JMJD1C: variants seen among roughly 807,000 people sequenced by gnomAD.
JMJD1C encodes the protein jumonji domain containing 1C.
A neutral mutation model predicts 245.3 loss-of-function variants in JMJD1C; 31 were observed. The ratio of observed to expected loss-of-function variants is 0.13; its 90% CI spans 0.09 to 0.17. JMJD1C has a LOEUF of 0.17. JMJD1C is among the 10% of genes least tolerant of loss of function. JMJD1C has a pLI of 1.00. For synonymous variants in JMJD1C, 1,057 were observed against 1,017.4 expected, an observed-to-expected ratio of 1.04 and a Z score of -0.74; for missense variants, 2,691 against 3,000.2, an observed-to-expected ratio of 0.90 and a Z score of 2.41.
chr10:63,335,020 T>C (rs1054468345), intron 2 of JMJD1C, among the ~76,000 whole-genome samples: 1 of 65,186 alleles, frequency 1.5e-5, no homozygotes, highest in African/African-American at 6.8e-5. Context: ...GACTCTGTCT[T>C]TGGAAAAAAA....
intron 10 of JMJD1C, chr10:63,202,375 GT>G (rs1294422806): frequency 1.0e-6 from 1 of 985,090 alleles, no homozygotes; most frequent in East Asian, 1.1e-4. Context: ...GATTTACATA[GT>G]TTGCTATTTC....
chr10:63,390,268 T>C (rs1947948962), intron 1 of JMJD1C, among the ~76,000 whole-genome samples: 1 of 151,986 alleles, frequency 6.6e-6, no homozygotes, highest in Non-Finnish European at 1.5e-5. Context: ...AAAAACAAAC[T>C]GGAAAACCTT....
At chr10:63,386,586 T>C (rs1261514961) in intron 1 of JMJD1C, among the ~76,000 whole-genome samples, 1 of 152,172 alleles carries the variant, frequency 6.6e-6, no homozygotes, top group Non-Finnish European at 1.5e-5. Flanking sequence ...CTGAGCACTT[T>C]TTCCAGGGGC....
chr10:63,465,226 C>T (rs1282995518), intron 1 of JMJD1C: 4 of 400,806 alleles, frequency 1.0e-5, no homozygotes, highest in Middle Eastern at 6.3e-4. Context: ...AGCGGGGAGC[C>T]GCGGTCGACC....
At chr10:63,369,143 CTT>C (rs577448684) in intron 2 of JMJD1C, among the ~76,000 whole-genome samples, 5 of 150,838 alleles carry the variant, frequency 3.3e-5, no homozygotes, top group Non-Finnish European at 7.4e-5. Context: ...TTTTCTTTCT[CTT>C]TCTCTCTCTC....
intron 2 of JMJD1C, among the ~76,000 whole-genome samples, chr10:63,326,061 A>G (rs898426810): frequency 6.6e-6 from 1 of 152,268 alleles, no homozygotes; most frequent in African/African-American, 2.4e-5. Context: ...AACTAAGAAC[A>G]TCTTTCACGT....
chr10:63,178,959 G>T (rs1485733680), intron 22 of JMJD1C, among the ~76,000 whole-genome samples: 1 of 152,148 alleles, frequency 6.6e-6, no homozygotes, highest in Admixed American at 6.5e-5. Context: ...TTGCCTAGCG[G>T]TGATGTCTTG....
chr10:63,326,459 A>G (rs1415766900), intron 2 of JMJD1C, among the ~76,000 whole-genome samples: 1 of 152,138 alleles, frequency 6.6e-6, no homozygotes, highest in Non-Finnish European at 1.5e-5. Context: ...ATTTATTACA[A>G]TGGCAAGAAA....
At chr10:63,259,188 C>T (rs1489924518) in intron 3 of JMJD1C, among the ~76,000 whole-genome samples, 2 of 152,142 alleles carry the variant, frequency 1.3e-5, no homozygotes, top group East Asian at 3.8e-4. Flanking sequence ...AATAAATCTG[C>T]TTATAAACAA....
intron 2 of JMJD1C, among the ~76,000 whole-genome samples, chr10:63,321,451 G>A (rs1940854108): frequency 6.6e-6 from 1 of 152,192 alleles, no homozygotes; most frequent in African/African-American, 2.4e-5. Flanking sequence ...TAGACAGCGT[G>A]AAAAAATAAT....
At chr10:63,474,133 C>T (rs1298381793) in intron 1 of JMJD1C, among the ~76,000 whole-genome samples, 1 of 151,852 alleles carries the variant, frequency 6.6e-6, no homozygotes, top group Non-Finnish European at 1.5e-5. Context: ...TAAATAACTT[C>T]TGGGAAGCAA....
At chr10:63,448,650 G>A (rs1951850862) in intron 1 of JMJD1C, among the ~76,000 whole-genome samples, 1 of 152,182 alleles carries the variant, frequency 6.6e-6, no homozygotes, top group South Asian at 2.1e-4. Flanking sequence ...AAAGTATAGT[G>A]TTCTAGAGAA....
intron 1 of JMJD1C, among the ~76,000 whole-genome samples, chr10:63,439,647 A>T (rs941065859): frequency 6.6e-6 from 1 of 152,190 alleles, no homozygotes; most frequent in African/African-American, 2.4e-5. Context: ...TATCAATCTT[A>T]TTCATAGTTA....
At chr10:63,518,460 A>G (rs1176659968) in intron 1 of JMJD1C, among the ~76,000 whole-genome samples, 1 of 152,252 alleles carries the variant, frequency 6.6e-6, no homozygotes, top group Non-Finnish European at 1.5e-5. Context: ...CTACACTAGA[A>G]GACTTAAAGA....
Position 63,214,541 on chromosome 10 carries a change from A to G in JMJD1C, c.1626T>C (p.Ser542=), listed in dbSNP as rs757742052. The change falls in exon 8 of 26, where the codon AGT becomes AGC. Residue 542 remains serine (S), a synonymous_variant. Transcript: ENST00000399262. ...QTLQKMDPNV[S]DSKHSIANAK... ...CATTTGCAATAGAGTGTTTTGAATC[A>G]CTAACATTAGGATCCATTTTCTGAA... The G allele has an allele frequency of 1.9e-6, 3 of 1,613,772 alleles. No homozygotes were observed. In the African/African-American group the frequency reaches 4.0e-5, roughly 22 times the overall value.
rs781039091 is a variant in JMJD1C, at chr10:63,465,505, G to C, written c.158C>G (p.Pro53Arg). 11 of 1,603,674 alleles carry C rather than the reference G, an allele frequency of 6.9e-6. No individual in the cohort carries two copies. The East Asian group carries it at 1.8e-4, about 26-fold the overall frequency. ...CGCTGACTCTCTTACCGCCAGGTCC[G>C]GATTGCGGCTGTCCCTGTGTGACAC... ...RAVSHRDSRNPDLAVYVEFDD... is the reference protein window; with the variant it reads ...RAVSHRDSRNRDLAVYVEFDD... Residue 53 changes from proline to arginine, a missense_variant, in exon 1 of 26, where the codon CCG becomes CGG. By Grantham distance (103) the Pro-to-Arg change is moderately radical. Transcript: ENST00000399262.
intron 2 of JMJD1C, among the ~76,000 whole-genome samples, chr10:63,310,756 AT>A (rs916638701): frequency 7.3e-5 from 11 of 151,552 alleles, no homozygotes; most frequent in African/African-American, 1.2e-4. Context: ...CCTACAAATC[AT>A]TTTTTTTTAA....
At chr10:63,275,396 G>A (rs1157058897) in intron 2 of JMJD1C, among the ~76,000 whole-genome samples, 2 of 152,168 alleles carry the variant, frequency 1.3e-5, no homozygotes, top group Non-Finnish European at 2.9e-5. Context: ...AGGAAAAGAA[G>A]TATGACATAA....
chr10:63,425,902 C>T (rs1204247810), intron 1 of JMJD1C, among the ~76,000 whole-genome samples: 1 of 152,150 alleles, frequency 6.6e-6, no homozygotes, highest in Non-Finnish European at 1.5e-5. Context: ...TGGAGATATG[C>T]AAAGGCCAAG....
Sources: allele counts gnomAD v4.1 joint callset (sites outside exome capture counted in the v4.1 genomes callset), GRCh38; gene constraint gnomAD v4.1.1; transcripts MANE v1.5; gene names NCBI Gene and HGNC (gene_info 2026-07-23, HGNC 2026-07-21).